The following CEP20 variants were observed in gnomAD, a reference collection of about 807,000 sequenced individuals.
The protein encoded by CEP20 is centrosomal protein 20, also known as FGFR1OP N-terminal like.
A neutral mutation model predicts 20.0 loss-of-function variants in CEP20; 18 were observed. That is an observed-to-expected ratio of 0.90 (90% confidence interval 0.62 to 1.34). The LOEUF is 1.34. CEP20 is among the 40% of genes most tolerant of loss of function. CEP20 has a pLI of 0.00. For missense variants in CEP20, 215 were observed against 201.6 expected, an observed-to-expected ratio of 1.07 and a Z score of -0.40; for synonymous variants, 77 against 73.7, an observed-to-expected ratio of 1.04 and a Z score of -0.23.
At chr16:15,876,507 C>T (rs920577925) in intron 3 of CEP20, among the ~76,000 whole-genome samples, 3 of 151,968 alleles carry the variant, frequency 2.0e-5, no homozygotes, top group Non-Finnish European at 2.9e-5. Context: ...GCTGTGTGGC[C>T]CACACTGGAG....
chr16:15,866,471 T>C lies in CEP20; in HGVS notation c.*969A>G, dbSNP rs2044682241. On this transcript the variant is annotated 3_prime_UTR_variant, in exon 5 of 5. Coordinates refer to ENST00000255759, the MANE Select transcript of CEP20 (RefSeq NM_144600.4). The stretch of plus-strand genomic sequence containing the variant: ...TTCAATGAAATGAGCCTGTGGACAC[T>C]ACATTAAAAATACTTCTTTAATAAA... 6.6e-6 allele frequency: 1 copy of C among 152,246 alleles called. No homozygotes were observed. The highest frequency in any genetic ancestry group is 2.1e-4 in the South Asian group (1 of 4,836). 9.4% of individuals were successfully genotyped at this position (152,246 alleles called of 1,614,324 possible).
chr16:15,886,958 G>T (rs775286783), intron 1 of CEP20, among the ~76,000 whole-genome samples: 2 of 151,530 alleles, frequency 1.3e-5, no homozygotes, highest in African/African-American at 2.4e-5. Context: ...GAGTGCAGTG[G>T]CACCACTGTA....
At chr16:15,888,462 A>G in intron 1 of CEP20, 96 bp downstream of exon 1, 1 of 1,531,120 alleles carries the variant, frequency 6.5e-7, no homozygotes, top group Non-Finnish European at 9.0e-7. Flanking sequence ...TGTAAAAGCC[A>G]ACCCATGTGT....
At chr16:15,876,534 T>C (rs930951144) in intron 3 of CEP20, among the ~76,000 whole-genome samples, 4 of 151,870 alleles carry the variant, frequency 2.6e-5, no homozygotes, top group Non-Finnish European at 5.9e-5. Flanking sequence ...AGCAAGATCA[T>C]GGCTCACTGC....
Position 15,882,699 on chromosome 16 carries a change from T to C in CEP20, c.226+1309A>G, listed in dbSNP as rs760629109. Among the ~76,000 whole-genome samples, 3 of 152,056 alleles carry C rather than the reference T, an allele frequency of 2.0e-5. No homozygotes were observed. In the East Asian group the frequency reaches 5.8e-4, roughly 29 times the overall value. On this transcript the variant is annotated intron_variant, in intron 2 of 4. Coordinates refer to ENST00000255759, the MANE Select transcript of CEP20 (RefSeq NM_144600.4). ...TTTGTAAATGTACCTAAGCACTACA[T>C]AGTAGTAATATTTCAAAGTTTTATC...
chr16:15,872,289 G>A (rs7196479), intron 4 of CEP20, among the ~76,000 whole-genome samples: 9,133 of 151,708 alleles, frequency 0.06, 940 homozygotes, highest in African/African-American at 0.21. Context: ...ACTCTAGCCT[G>A]GGCGACAGAG....
At chr16:15,884,238 CA>C (rs1884377152) in intron 1 of CEP20, 33 bp from the exon 2 acceptor site, 1 of 1,563,434 alleles carries the variant, frequency 6.4e-7, no homozygotes, top group African/African-American at 1.4e-5. Flanking sequence ...GCTTCAGTTA[CA>C]GAGTAAATTT....
At chr16:15,873,153 G>C (rs956472788) in intron 4 of CEP20, among the ~76,000 whole-genome samples, 1 of 151,472 alleles carries the variant, frequency 6.6e-6, no homozygotes, top group African/African-American at 2.4e-5. Flanking sequence ...ATGTCACTTA[G>C]GCTAGTCTCA....
At chr16:15,887,886 G>C (rs147598343) in intron 1 of CEP20, among the ~76,000 whole-genome samples, 123 of 151,976 alleles carry the variant, frequency 8.1e-4, no homozygotes, top group African/African-American at 2.7e-3. Context: ...CTTGAGACCA[G>C]GAGTTCGACA....
intron 1 of CEP20, among the ~76,000 whole-genome samples, chr16:15,887,350 T>C (rs1016794156): frequency 6.6e-6 from 1 of 152,228 alleles, no homozygotes; most frequent in Non-Finnish European, 1.5e-5. Flanking sequence ...TGTCCCCAAA[T>C]ACACACTTTT....
At chr16:15,880,231 A>G (rs935682060) in intron 2 of CEP20, among the ~76,000 whole-genome samples, 1 of 152,206 alleles carries the variant, frequency 6.6e-6, no homozygotes, top group African/African-American at 2.4e-5. Flanking sequence ...GACAATACTT[A>G]TAAATAAAAA....
intron 1 of CEP20, among the ~76,000 whole-genome samples, chr16:15,884,877 C>A (rs1419965619): frequency 6.6e-6 from 1 of 152,070 alleles, no homozygotes; most frequent in South Asian, 2.1e-4. Context: ...TGAACTTAAG[C>A]CCCAGTCTCT....
At chr16:15,887,039 C>CAGG (rs10701069) in intron 1 of CEP20, among the ~76,000 whole-genome samples, 26,753 of 151,554 alleles carry the variant, frequency 0.18, 2,258 homozygotes, top group East Asian at 0.22. Context: ...GCTGGAACTA[C>CAGG]CACAGGCCAC....
chr16:15,882,263 CG>C (rs2045115983), intron 2 of CEP20, among the ~76,000 whole-genome samples: 1 of 152,166 alleles, frequency 6.6e-6, no homozygotes, highest in African/African-American at 2.4e-5. Context: ...TTTCTTCAAC[CG>C]GGTGCGGTGG....
chr16:15,874,575 T>C (rs2044898793), intron 3 of CEP20, among the ~76,000 whole-genome samples: 1 of 152,360 alleles, frequency 6.6e-6, no homozygotes, highest in Admixed American at 6.5e-5. Context: ...ACAATGGAAA[T>C]GTTTTCCTTT....
chr16:15,872,475 T>C (rs59538026), intron 4 of CEP20, among the ~76,000 whole-genome samples: 33,171 of 151,910 alleles, frequency 0.22, 4,119 homozygotes, highest in African/African-American at 0.35. Context: ...TCTGAGAGGC[T>C]GAGGTGGGAA....
Position 15,865,998 on chromosome 16 carries a change from T to TA in CEP20, c.*1441dup, listed in dbSNP as rs2044669281. 6.6e-6 allele frequency: 1 copy of TA among 152,214 alleles called. No individual in the cohort carries two copies. 9.4% of individuals were successfully genotyped at this position (152,214 alleles called of 1,614,324 possible). ...AGTCCCCCGGGAGAATTCAGATATT[T>TA]ATATTCACACATACAATACAACGGA... is the stretch of plus-strand genomic sequence containing the variant. On this transcript the variant is annotated 3_prime_UTR_variant, in exon 5 of 5. Coordinates refer to ENST00000255759, the MANE Select transcript of CEP20 (RefSeq NM_144600.4).
intron 3 of CEP20, chr16:15,877,333 T>C (rs1567237637): frequency 6.6e-6 from 1 of 151,800 alleles, no homozygotes; most frequent in Non-Finnish European, 1.5e-5. Context: ...TAATAGTCAT[T>C]GCTTATTTCC....
intron 1 of CEP20, among the ~76,000 whole-genome samples, chr16:15,888,069 C>G (rs1422732709): frequency 7.2e-6 from 1 of 138,346 alleles, no homozygotes; most frequent in South Asian, 2.3e-4. Flanking sequence ...CAGAGAGACC[C>G]TCTCTTTAAA....
Sources: gnomAD v4.1 joint callset for allele counts (sites outside exome capture counted in the v4.1 genomes callset) on GRCh38, gnomAD v4.1.1 for gene constraint, MANE v1.5 for transcripts, NCBI Gene and HGNC (gene_info 2026-07-23, HGNC 2026-07-21) for gene names.